FSIP1: variants seen among roughly 807,000 people sequenced by gnomAD.
FSIP1 encodes fibrous sheath interacting protein 1.
FSIP1 carries 65 observed loss-of-function variants against 60.9 expected under a neutral mutation model. The ratio of observed to expected loss-of-function variants is 1.07; its 90% CI spans 0.87 to 1.31. The LOEUF is 1.31. FSIP1 is among the 40% of genes most tolerant of loss of function. FSIP1 has a pLI of 0.00. For missense variants in FSIP1, 675 were observed against 665.5 expected (o/e 1.01, Z -0.16); for synonymous variants, 209 against 221.2 (o/e 0.94, Z 0.49).
intron 7 of FSIP1, 30 bp from the exon 8 acceptor site, chr15:39,738,231 A>T: frequency 7.0e-7 from 1 of 1,419,522 alleles, no homozygotes; most frequent in South Asian, 1.2e-5. Context: ...AAAATATCAT[A>T]TACTCAAGGA....
intron 11 of FSIP1, among the ~76,000 whole-genome samples, chr15:39,612,935 T>C (rs958666338): frequency 1.2e-4 from 18 of 152,126 alleles, no homozygotes; most frequent in Non-Finnish European, 2.5e-4. Flanking sequence ...CATCATAAGA[T>C]ACATTGCAGC....
chr15:39,620,631 G>T (rs188327113), intron 10 of FSIP1, among the ~76,000 whole-genome samples: 1 of 150,434 alleles, frequency 6.6e-6, no homozygotes, highest in Non-Finnish European at 1.5e-5. Flanking sequence ...TTGCTCTGTC[G>T]CGCAGGCTGG....
chr15:39,744,411 G>A (rs1283573705), intron 5 of FSIP1, among the ~76,000 whole-genome samples: 1 of 152,138 alleles, frequency 6.6e-6, no homozygotes, highest in Non-Finnish European at 1.5e-5. Context: ...GCCACCCATG[G>A]AAGAAATTAA....
intron 10 of FSIP1, among the ~76,000 whole-genome samples, chr15:39,642,280 G>C (rs775716437): frequency 2.0e-5 from 3 of 152,152 alleles, no homozygotes; most frequent in Non-Finnish European, 4.4e-5. Flanking sequence ...GAGTCTTAAC[G>C]CAAGTTTCCC....
At chr15:39,610,491 C>A (rs1026084154) in intron 11 of FSIP1, among the ~76,000 whole-genome samples, 3 of 152,076 alleles carry the variant, frequency 2.0e-5, no homozygotes, top group Admixed American at 6.5e-5. Flanking sequence ...TATGGTGAAA[C>A]CCCATCTCTG....
intron 10 of FSIP1, among the ~76,000 whole-genome samples, chr15:39,691,788 C>G (rs749533957): frequency 9.2e-5 from 14 of 152,170 alleles, no homozygotes; most frequent in Non-Finnish European, 1.9e-4. Flanking sequence ...TTCTCTCACC[C>G]TCTCTGAAGT....
chr15:39,604,169 G>T (rs1156424783), intron 11 of FSIP1, among the ~76,000 whole-genome samples: 2 of 152,236 alleles, frequency 1.3e-5, no homozygotes, highest in East Asian at 3.8e-4. Context: ...AACCTCTGGT[G>T]ATCTGCCCGC....
At position 39,617,565 on chromosome 15, in the gene FSIP1, T is replaced by C. The variant is rs538849947; in HGVS notation, c.1699+170A>G. Among the ~76,000 whole-genome samples, 121 of 152,356 alleles carry C rather than the reference T, an allele frequency of 7.9e-4. 1 individual carries two copies. Among genetic ancestry groups the C allele is most frequent in the Middle Eastern group, 3.4e-3 (1 of 294 alleles). On this transcript the variant is annotated intron_variant, in intron 11 of 11. Transcript: ENST00000350221. ...TTTCATAGAGTACTAACCTCAACTT[T>C]GATTTCATAAGAGCATTGGGAAATA...
intron 10 of FSIP1, among the ~76,000 whole-genome samples, chr15:39,644,213 C>G (rs1892492756): frequency 6.6e-6 from 1 of 152,182 alleles, no homozygotes; most frequent in Non-Finnish European, 1.5e-5. Context: ...ATGCTCATCA[C>G]AGCTGAATGC....
intron 10 of FSIP1, among the ~76,000 whole-genome samples, chr15:39,705,417 T>C (rs1008894711): frequency 2.0e-5 from 3 of 152,168 alleles, no homozygotes; most frequent in Admixed American, 1.3e-4. Context: ...TTCATTTAAA[T>C]TACTCAAAAA....
At position 39,628,472 on chromosome 15, in the gene FSIP1, G is replaced by T. The variant is rs73393213; in HGVS notation, c.1189-10227C>A. On this transcript the variant is annotated intron_variant, in intron 10 of 11. Transcript: ENST00000350221. ...CCAGGGGGCTAAAAGGAGTGAGGCAGGAGAAGACCCTAAAAGCCACTGAGG... is the reference window on the plus strand; with the variant it reads ...CCAGGGGGCTAAAAGGAGTGAGGCATGAGAAGACCCTAAAAGCCACTGAGG... Among the ~76,000 whole-genome samples, 1,333 of 152,350 alleles carry T rather than the reference G, an allele frequency of 8.7e-3. 17 individuals are homozygous for T. Among genetic ancestry groups the T allele is most frequent in the African/African-American group, 0.03 (1,264 of 41,576 alleles).
chr15:39,697,734 T>C (rs1182165263), intron 10 of FSIP1, among the ~76,000 whole-genome samples: 1 of 152,224 alleles, frequency 6.6e-6, no homozygotes, highest in Non-Finnish European at 1.5e-5. Flanking sequence ...TCTCAATATG[T>C]CCAAGATGTG....
At chr15:39,709,472 A>T (rs1452856310) in intron 10 of FSIP1, among the ~76,000 whole-genome samples, 1 of 152,264 alleles carries the variant, frequency 6.6e-6, no homozygotes, top group Non-Finnish European at 1.5e-5. Context: ...AATTAATAAC[A>T]AATATTTAGG....
chr15:39,755,444 A>G (rs1595697205), intron 5 of FSIP1, among the ~76,000 whole-genome samples: 1 of 152,148 alleles, frequency 6.6e-6, no homozygotes, highest in Admixed American at 6.5e-5. Context: ...CAACCAAGAC[A>G]GTGAAGGTCT....
chr15:39,636,101 C>G (rs941458139), intron 10 of FSIP1, among the ~76,000 whole-genome samples: 5 of 152,156 alleles, frequency 3.3e-5, no homozygotes, highest in Non-Finnish European at 7.3e-5. Context: ...ACTTCTTGCT[C>G]TTATAGTAGT....
chr15:39,726,875 C>CACACACACA, intron 8 of FSIP1, 128 bp from the exon 9 acceptor site: 1 of 590,024 alleles, frequency 1.7e-6, no homozygotes, highest in African/African-American at 2.0e-5. Context: ...ACACACACAA[C>CACACACACA]ACACACAAAC....
chr15:39,667,699 C>T (rs2411299), intron 10 of FSIP1, among the ~76,000 whole-genome samples: 119,553 of 151,954 alleles, frequency 0.79, 47,946 homozygotes, highest in Non-Finnish European at 0.87. Flanking sequence ...CAATCTATTC[C>T]AGGGATCAGG....
chr15:39,616,392 G>A (rs564220816), intron 11 of FSIP1, among the ~76,000 whole-genome samples: 1 of 152,312 alleles, frequency 6.6e-6, no homozygotes, highest in South Asian at 2.1e-4. Context: ...TTAAGGAAGA[G>A]AAGGTGAGTG....
intron 10 of FSIP1, among the ~76,000 whole-genome samples, chr15:39,677,868 T>C (rs1894003884): frequency 6.6e-6 from 1 of 151,932 alleles, no homozygotes; most frequent in Non-Finnish European, 1.5e-5. Flanking sequence ...TGGTGGTGTA[T>C]GCCTGTAGTC....
Sources: allele counts gnomAD v4.1 joint callset (sites outside exome capture counted in the v4.1 genomes callset), GRCh38; gene constraint gnomAD v4.1.1; transcripts MANE v1.5; gene names NCBI Gene and HGNC (gene_info 2026-07-23, HGNC 2026-07-21).